The following CD109 variants were observed in gnomAD, a reference collection of about 807,000 sequenced individuals.
The protein encoded by CD109 is CD109 molecule.
In CD109, 149 loss-of-function variants were observed where a neutral mutation model predicts 165.8. The ratio of observed to expected loss-of-function variants is 0.90; its 90% CI spans 0.79 to 1.03. The LOEUF (loss-of-function observed/expected upper bound fraction) is 1.03, where lower values mean the gene tolerates loss of function less well. Ranked by LOEUF, CD109 falls within the 50% of genes least tolerant of loss-of-function variation. The pLI is 0.00. For synonymous variants in CD109, 585 were observed against 592.1 expected (o/e 0.99, Z 0.18); for missense variants, 1,712 against 1,677.8 (o/e 1.02, Z -0.36).
At chr6:73,720,820 C>T (rs1771924016) in intron 2 of CD109, among the ~76,000 whole-genome samples, 1 of 152,184 alleles carries the variant, frequency 6.6e-6, no homozygotes, top group African/African-American at 2.4e-5. Context: ...TGTCCAAAGA[C>T]CCCCTTTTGA....
chr6:73,717,608 A>AGCTG (rs1771786019), intron 2 of CD109, among the ~76,000 whole-genome samples: 1 of 90,192 alleles, frequency 1.1e-5, no homozygotes, highest in Non-Finnish European at 2.3e-5. Flanking sequence ...AATTCTACTG[A>AGCTG]TTCTTTTTTT....
At chr6:73,748,163 A>T (rs1049635701) in intron 5 of CD109, among the ~76,000 whole-genome samples, 14 of 151,220 alleles carry the variant, frequency 9.3e-5, no homozygotes, top group African/African-American at 3.2e-4. Context: ...CTCTATTTCC[A>T]CCTCTCCCTC....
chr6:73,803,256 G>C lies in CD109; in HGVS notation c.2915G>C (p.Gly972Ala). The change falls in exon 24 of 33, where the codon GGC (glycine) becomes GCC (alanine). Residue 972 changes from glycine to alanine, a missense_variant. Transcript: ENST00000287097. ...GAACTTCTCTATCAGAGGGAAGATG[G>C]CTCTTTCAGTGCTTTTGGGAATTAT... Reference protein sequence around the residue: ...QRELLYQREDGSFSAFGNYDP... With the variant: ...QRELLYQREDASFSAFGNYDP... 1 of 1,610,800 alleles carries C rather than the reference G, an allele frequency of 6.2e-7. No homozygotes were observed. Among genetic ancestry groups the C allele is most frequent in the East Asian group, 2.2e-5 (1 of 44,744 alleles).
At chr6:73,729,524 A>G (rs1247175567) in intron 3 of CD109, among the ~76,000 whole-genome samples, 1 of 146,452 alleles carries the variant, frequency 6.8e-6, no homozygotes, top group Non-Finnish European at 1.5e-5. Context: ...TATTATTATT[A>G]TTATTATTAT....
chr6:73,789,777 C>CTTT (rs1413154552), intron 22 of CD109, among the ~76,000 whole-genome samples: 2 of 134,332 alleles, frequency 1.5e-5, no homozygotes. Flanking sequence ...TTTTTTTTTC[C>CTTT]TTTGATGGAG....
chr6:73,823,717 C>G lies in CD109; in HGVS notation c.*84C>G. On this transcript the variant is annotated 3_prime_UTR_variant, in exon 33 of 33. Transcript: ENST00000287097. The stretch of plus-strand genomic sequence containing the variant: ...TTGTTTTCGTAGAAGAATACTGCTT[C>G]TATTTTGAAAAAAGAGTTTTTTTTC... 1 of 1,320,558 alleles carries G rather than the reference C, an allele frequency of 7.6e-7. No homozygotes were observed. The highest frequency in any genetic ancestry group is 1.0e-6 in the Non-Finnish European group (1 of 963,964). The allele number at this position is 1,320,558 out of a possible 1,614,324, so 81.8% of individuals were successfully genotyped here.
intron 23 of CD109, among the ~76,000 whole-genome samples, chr6:73,796,334 A>ATT (rs1457099680): frequency 6.6e-6 from 1 of 151,998 alleles, no homozygotes; most frequent in African/African-American, 2.4e-5. Flanking sequence ...CTGTATCTGG[A>ATT]ACACTCTGAG....
chr6:73,807,976 T>C (rs1346176248), intron 25 of CD109, 107 bp from the exon 26 acceptor site: 1 of 917,802 alleles, frequency 1.1e-6, no homozygotes. Context: ...AGGTACTTCA[T>C]AGACACTGAA....
chr6:73,771,138 A>G (rs1417226587), intron 14 of CD109, among the ~76,000 whole-genome samples: 2 of 152,158 alleles, frequency 1.3e-5, no homozygotes, highest in Non-Finnish European at 2.9e-5. Flanking sequence ...TCTTCTACTC[A>G]GCACTGGCTG....
chr6:73,811,220 A>G, intron 28 of CD109, 73 bp downstream of exon 28: 1 of 1,476,374 alleles, frequency 6.8e-7, no homozygotes, highest in East Asian at 2.4e-5. Flanking sequence ...TTTATTTGTA[A>G]TCTGTTGATT....
chr6:73,766,481 A>G (rs1426439294), intron 11 of CD109, among the ~76,000 whole-genome samples: 4 of 148,934 alleles, frequency 2.7e-5, no homozygotes, highest in Non-Finnish European at 5.9e-5. Context: ...AAAGATAAAT[A>G]TATATACATA....
At chr6:73,741,534 A>G (rs925399919) in intron 5 of CD109, among the ~76,000 whole-genome samples, 6 of 152,202 alleles carry the variant, frequency 3.9e-5, no homozygotes, top group African/African-American at 1.4e-4. Context: ...TTAGGAAGAT[A>G]ATGTGTTTTA....
the CD109 span, among the ~76,000 whole-genome samples, chr6:73,686,268 G>A: frequency 6.6e-6 from 1 of 152,182 alleles, no homozygotes; most frequent in South Asian, 2.1e-4. Flanking sequence ...CTGAGGGGAT[G>A]AGCCCTGGAA....
In CD109 at chr6:73,714,153, T is replaced by C. The variant is rs149886323; in HGVS notation, c.248-9098T>C. On this transcript the variant is annotated intron_variant, in intron 2 of 32. Coordinates refer to ENST00000287097, the MANE Select transcript of CD109 (RefSeq NM_133493.5). ...TTCTATTTTATTCCAATGTGGGACA[T>C]TGTGGTGGATGCTGTGTTTTAGGGC... is the stretch of plus-strand genomic sequence containing the variant. Among the ~76,000 whole-genome samples, 161 of 152,302 alleles carry C rather than the reference T, an allele frequency of 1.1e-3. 2 individuals carry two copies. In the East Asian group the frequency reaches 0.027, roughly 26 times the overall value.
chr6:73,786,235 C>T (rs1464033521), intron 20 of CD109, among the ~76,000 whole-genome samples: 1 of 152,190 alleles, frequency 6.6e-6, no homozygotes. Flanking sequence ...CCCTGGGAGG[C>T]AGGAATTAGG....
At chr6:73,723,332 T>A in intron 3 of CD109, 53 bp downstream of exon 3, 2 of 1,260,624 alleles carry the variant, frequency 1.6e-6, no homozygotes, top group Non-Finnish European at 2.3e-6. Flanking sequence ...ATCAGTGAAC[T>A]AAATAAATTA....
intron 5 of CD109, among the ~76,000 whole-genome samples, chr6:73,741,861 G>A (rs1772795992): frequency 6.6e-6 from 1 of 152,036 alleles, no homozygotes. Flanking sequence ...AGTAGAGATG[G>A]GGTTTCACCA....
chr6:73,803,161 A>G, intron 23 of CD109, 59 bp from the exon 24 acceptor site: 1 of 1,164,162 alleles, frequency 8.6e-7, no homozygotes, highest in African/African-American at 1.5e-5. Context: ...CATAATTAGA[A>G]ACTTTCATCC....
At chr6:73,717,023 A>G (rs907115346) in intron 2 of CD109, among the ~76,000 whole-genome samples, 1 of 152,202 alleles carries the variant, frequency 6.6e-6, no homozygotes. Context: ...AGCACCATTT[A>G]TTGAAGAGAC....
Sources: allele counts gnomAD v4.1 joint callset (sites outside exome capture counted in the v4.1 genomes callset), GRCh38; gene constraint gnomAD v4.1.1; transcripts MANE v1.5; gene names NCBI Gene and HGNC (gene_info 2026-07-23, HGNC 2026-07-21).